MYBL2: variants seen among roughly 807,000 people sequenced by gnomAD.
The protein encoded by MYBL2 is MYB proto-oncogene like 2, also known as myb-related protein B.
Under a neutral mutation model 79.9 loss-of-function variants are expected in MYBL2, and 28 were observed. The ratio of observed to expected loss-of-function variants is 0.35; its 90% CI spans 0.26 to 0.48. The LOEUF (loss-of-function observed/expected upper bound fraction) is 0.48. Among genes scored for constraint, MYBL2 ranks in the 20% least tolerant of loss-of-function variants. The pLI is 0.99. For missense variants in MYBL2, 735 were observed against 893.9 expected (o/e 0.82, Z 2.27); for synonymous variants, 378 against 361.2 (o/e 1.05, Z -0.53).
intron 12 of MYBL2, among the ~76,000 whole-genome samples, chr20:43,713,367 G>A (rs548427559): frequency 6.6e-6 from 1 of 152,076 alleles, no homozygotes; most frequent in South Asian, 2.1e-4. Flanking sequence ...TCCCAGAGAG[G>A]GTCAGTGATG....
intron 7 of MYBL2, among the ~76,000 whole-genome samples, chr20:43,702,166 G>C (rs983670573): frequency 1.3e-5 from 2 of 152,140 alleles, no homozygotes; most frequent in African/African-American, 4.8e-5. Context: ...GAGAATGGTG[G>C]TACATGTCTG....
intron 12 of MYBL2, among the ~76,000 whole-genome samples, chr20:43,714,199 G>C (rs1413460891): frequency 6.6e-6 from 1 of 152,162 alleles, no homozygotes; most frequent in Non-Finnish European, 1.5e-5. Context: ...TATAAAAGGG[G>C]TGCCAAGCCT....
intron 6 of MYBL2, among the ~76,000 whole-genome samples, chr20:43,697,869 C>G (rs1234097001): frequency 6.7e-6 from 1 of 149,842 alleles, no homozygotes; most frequent in Non-Finnish European, 1.5e-5. Context: ...GAGCCGAGAT[C>G]GCGCCACTGC....
chr20:43,668,119 C>T (rs1025923220), intron 1 of MYBL2, among the ~76,000 whole-genome samples: 3 of 151,964 alleles, frequency 2.0e-5, no homozygotes, highest in Admixed American at 6.6e-5. Context: ...TTTCAGCCTG[C>T]CTGGGAGACA....
chr20:43,713,222 T>A, intron 12 of MYBL2, 116 bp downstream of exon 12: 31 of 423,860 alleles, frequency 7.3e-5, no homozygotes, highest in Non-Finnish European at 9.5e-5. Context: ...GGAGGGGCTA[T>A]CAGGGAGGGT....
At chr20:43,671,102 A>AG (rs1986844026) in intron 1 of MYBL2, among the ~76,000 whole-genome samples, 1 of 150,824 alleles carries the variant, frequency 6.6e-6, no homozygotes, top group Non-Finnish European at 1.5e-5. Flanking sequence ...CCGAGTAGCT[A>AG]GGACTACAGG....
At chr20:43,695,821 C>CGT (rs1568865623) in intron 6 of MYBL2, among the ~76,000 whole-genome samples, 2 of 152,028 alleles carry the variant, frequency 1.3e-5, no homozygotes, top group African/African-American at 4.8e-5. Context: ...ACAGGCCAGG[C>CGT]GTCATGGCTT....
chr20:43,715,858 G>GA (rs1173738326), intron 13 of MYBL2, 101 bp from the exon 14 acceptor site: 7 of 1,427,746 alleles, frequency 4.9e-6, no homozygotes, highest in Non-Finnish European at 5.6e-6. Context: ...GCTTCTAGGG[G>GA]AGGGAGGCTT....
intron 1 of MYBL2, among the ~76,000 whole-genome samples, chr20:43,673,246 C>CT (rs3091633): frequency 0.031 from 4,481 of 145,062 alleles, 94 homozygotes; most frequent in Middle Eastern, 0.1. Context: ...TGCCTGGCCT[C>CT]TTTTTTTTTT....
chr20:43,698,544 A>G (rs948663347), intron 6 of MYBL2, among the ~76,000 whole-genome samples: 1 of 148,506 alleles, frequency 6.7e-6, no homozygotes, highest in Non-Finnish European at 1.5e-5. Context: ...CACCTGGCTA[A>G]TTTTTTGTAT....
chr20:43,701,447 G>C (rs938021948), intron 7 of MYBL2, among the ~76,000 whole-genome samples: 1 of 152,214 alleles, frequency 6.6e-6, no homozygotes, highest in Non-Finnish European at 1.5e-5. Context: ...AGAACCCAAA[G>C]ACCAAAGTGG....
At position 43,702,480 on chromosome 20, in the gene MYBL2, C is replaced by T. The variant is rs535517622; in HGVS notation, c.952-10C>T. The T allele has an allele frequency of 3.5e-5, 55 of 1,586,296 alleles. 1 individual carries two copies. In the South Asian group the frequency reaches 5.9e-4, roughly 17 times the overall value. On this transcript the variant is annotated splice_polypyrimidine_tract_variant and intron_variant, in intron 7 of 13. Coordinates refer to ENST00000217026, the MANE Select transcript of MYBL2 (RefSeq NM_002466.4). ...AGTAATTGCAATTCCTAACCTCCCT[C>T]CCTGGACAGGACCCTGATGCTTGGT...
At chr20:43,689,427 C>T (rs1987354238) in intron 5 of MYBL2, among the ~76,000 whole-genome samples, 1 of 152,202 alleles carries the variant, frequency 6.6e-6, no homozygotes. Context: ...CCTTGATCCA[C>T]TGTCACTTGT....
chr20:43,672,596 G>C (rs933594932), intron 1 of MYBL2, among the ~76,000 whole-genome samples: 6 of 152,086 alleles, frequency 3.9e-5, no homozygotes, highest in African/African-American at 1.4e-4. Flanking sequence ...ATACAAAATA[G>C]CCAGGCATAG....
intron 2 of MYBL2, among the ~76,000 whole-genome samples, chr20:43,678,080 T>C (rs552748319): frequency 6.4e-4 from 96 of 150,478 alleles, no homozygotes; most frequent in African/African-American, 2.4e-3. Context: ...AAGATGTGCT[T>C]TGTTAAACAG....
intron 11 of MYBL2, among the ~76,000 whole-genome samples, chr20:43,712,354 C>T (rs372207082): frequency 5.3e-5 from 8 of 152,142 alleles, no homozygotes; most frequent in Non-Finnish European, 1.0e-4. Context: ...GGGACTTGCC[C>T]GAGCTGGCAC....
intron 6 of MYBL2, among the ~76,000 whole-genome samples, chr20:43,694,193 G>A (rs979575639): frequency 1.3e-5 from 2 of 152,004 alleles, no homozygotes; most frequent in Admixed American, 6.6e-5. Context: ...TTAGCTGGGC[G>A]TGGTGGCGGG....
intron 4 of MYBL2, among the ~76,000 whole-genome samples, chr20:43,685,134 C>T (rs1486838796): frequency 4.9e-5 from 5 of 103,000 alleles, no homozygotes; most frequent in East Asian, 2.7e-4. Context: ...GCAGCAGGAG[C>T]GAAACTCTGT....
intron 5 of MYBL2, among the ~76,000 whole-genome samples, chr20:43,687,777 T>A (rs189026617): frequency 7.2e-5 from 11 of 152,046 alleles, no homozygotes; most frequent in Middle Eastern, 3.4e-3. Context: ...GCACGTTGGG[T>A]GGCTGAGGTG....
Sources: gnomAD v4.1 joint callset for allele counts (sites outside exome capture counted in the v4.1 genomes callset) on GRCh38, gnomAD v4.1.1 for gene constraint, MANE v1.5 for transcripts, NCBI Gene and HGNC (gene_info 2026-07-23, HGNC 2026-07-21) for gene names.